Variants in CCNY observed in about 807,000 individuals in gnomAD.
The protein encoded by CCNY is cyclin Y.
CCNY carries 19 observed loss-of-function variants against 42.8 expected under a neutral mutation model. That is an observed-to-expected ratio of 0.44 (90% confidence interval 0.31 to 0.65). The LOEUF (loss-of-function observed/expected upper bound fraction) is 0.65. Among genes scored for constraint, CCNY ranks in the 30% least tolerant of loss-of-function variants. The pLI, the probability that CCNY is intolerant of heterozygous loss-of-function variation, is 0.07. For missense variants in CCNY, 370 were observed against 437.3 expected (o/e 0.85, Z 1.37); for synonymous variants, 165 against 162.7 (o/e 1.01, Z -0.11).
intron 3 of CCNY, among the ~76,000 whole-genome samples, chr10:35,257,081 C>G (rs1376104683): frequency 6.6e-6 from 1 of 151,936 alleles, no homozygotes; most frequent in Non-Finnish European, 1.5e-5. Context: ...TTATTGAAAT[C>G]TTTGTTTCTC....
At chr10:35,517,653 G>T (rs912462824) in intron 4 of CCNY, among the ~76,000 whole-genome samples, 12 of 152,192 alleles carry the variant, frequency 7.9e-5, no homozygotes, top group Non-Finnish European at 1.5e-5. Context: ...GAGGCTGCCT[G>T]TTGGCACTGC....
At chr10:35,367,286 CTG>C (rs1836829955) in intron 1 of CCNY, among the ~76,000 whole-genome samples, 1 of 151,984 alleles carries the variant, frequency 6.6e-6, no homozygotes, top group Non-Finnish European at 1.5e-5. Flanking sequence ...ATTTTATAGA[CTG>C]TATAGTATTC....
chr10:35,542,210 G>A (rs1367529312), intron 7 of CCNY, among the ~76,000 whole-genome samples: 1 of 150,450 alleles, frequency 6.6e-6, no homozygotes, highest in Non-Finnish European at 1.5e-5. Context: ...GTTTTGAGGA[G>A]TGCTGGCTAG....
At chr10:35,343,820 T>A (rs965835694) in intron 1 of CCNY, among the ~76,000 whole-genome samples, 5 of 152,376 alleles carry the variant, frequency 3.3e-5, no homozygotes, top group African/African-American at 1.2e-4. Flanking sequence ...AATTCTGTTT[T>A]AATCACATAG....
At chr10:35,436,307 C>A (rs1838532350) in intron 1 of CCNY, among the ~76,000 whole-genome samples, 1 of 152,228 alleles carries the variant, frequency 6.6e-6, no homozygotes, top group Admixed American at 6.5e-5. Flanking sequence ...GGGTCCCCCA[C>A]CCCTCAGCAG....
At chr10:35,393,865 T>C (rs1486955625) in intron 1 of CCNY, among the ~76,000 whole-genome samples, 1 of 151,828 alleles carries the variant, frequency 6.6e-6, no homozygotes, top group Non-Finnish European at 1.5e-5. Context: ...GAGCCAGGAG[T>C]TCGAGATCAG....
intron 3 of CCNY, chr10:35,315,187 A>T (rs999121668): frequency 6.6e-6 from 1 of 152,216 alleles, no homozygotes; most frequent in Non-Finnish European, 1.5e-5. Flanking sequence ...GGTTGGGTGT[A>T]CAGATTATTT....
chr10:35,440,605 G>A (rs919018198), intron 1 of CCNY, among the ~76,000 whole-genome samples: 7 of 152,148 alleles, frequency 4.6e-5, no homozygotes, highest in South Asian at 2.1e-4. Context: ...TCACTGCAGC[G>A]TATTCTGCTG....
chr10:35,415,898 CAG>C (rs1339391244), intron 1 of CCNY, among the ~76,000 whole-genome samples: 4 of 152,200 alleles, frequency 2.6e-5, no homozygotes, highest in African/African-American at 4.8e-5. Context: ...CACAGATCGA[CAG>C]AGAGTTTTAT....
At chr10:35,423,434 C>T (rs1420340569) in intron 1 of CCNY, among the ~76,000 whole-genome samples, 2 of 150,902 alleles carry the variant, frequency 1.3e-5, no homozygotes, top group Non-Finnish European at 2.9e-5. Flanking sequence ...CATGATTATA[C>T]CAATGCACTC....
chr10:35,361,103 C>T (rs1214669228), intron 1 of CCNY, among the ~76,000 whole-genome samples: 2 of 151,916 alleles, frequency 1.3e-5, no homozygotes, highest in African/African-American at 4.8e-5. Context: ...GTGATCCCCC[C>T]GCCTCGGCCT....
intron 3 of CCNY, chr10:35,316,253 C>T (rs958749999): frequency 1.3e-5 from 2 of 152,148 alleles, no homozygotes; most frequent in Non-Finnish European, 2.9e-5. Flanking sequence ...AGATACAGAG[C>T]AGGTGTTTAA....
At chr10:35,276,321 T>C (rs1216183246) in intron 3 of CCNY, among the ~76,000 whole-genome samples, 10 of 152,344 alleles carry the variant, frequency 6.6e-5, no homozygotes, top group African/African-American at 2.4e-4. Flanking sequence ...CTACTCGGCC[T>C]CCATCATTTT....
chr10:35,509,690 C>G (rs1840286390), intron 3 of CCNY, among the ~76,000 whole-genome samples: 1 of 152,176 alleles, frequency 6.6e-6, no homozygotes, highest in Middle Eastern at 3.4e-3. Flanking sequence ...CCCTGGTGGT[C>G]CTGGAAAAGT....
intron 1 of CCNY, among the ~76,000 whole-genome samples, chr10:35,465,938 A>AGTGTGTGTGTGTGTGTGTGTGT (rs1312410028): frequency 1.2e-5 from 1 of 80,960 alleles, no homozygotes; most frequent in African/African-American, 4.4e-5. Flanking sequence ...AGAGAGAGAG[A>AGTGTGTGTGTGTGTGTGTGTGT]GTGTGTGTGT....
chr10:35,363,245 G>T (rs1203397981), intron 1 of CCNY, among the ~76,000 whole-genome samples: 7 of 146,350 alleles, frequency 4.8e-5, no homozygotes, highest in Non-Finnish European at 1.0e-4. Flanking sequence ...CGGCAGAGGC[G>T]CTCCTCACTT....
intron 1 of CCNY, among the ~76,000 whole-genome samples, chr10:35,477,024 C>T (rs1433193073): frequency 2.6e-5 from 4 of 152,076 alleles, no homozygotes; most frequent in African/African-American, 9.7e-5. Context: ...TGCAAATAAA[C>T]TAGAAAATCT....
rs557238991 is a variant in CCNY at position 35,250,734 on chromosome 10, C to T, written c.-9+108C>T. ...AGAAGTACTGCACTTAGCTTTTTCA[C>T]ACTTCTCAAAGTAACAGGTTTATGT... On this transcript the variant is annotated intron_variant, in intron 3 of 11. Transcript: ENST00000374706. The T allele has an allele frequency of 4.6e-5, 7 of 152,458 alleles. No homozygotes were observed. The South Asian group carries it at 1.5e-3, about 32-fold the overall frequency. 9.4% of individuals were successfully genotyped at this position (152,458 alleles called of 1,614,324 possible). A position where few individuals can be genotyped will look rare whatever the true frequency, so the allele number is the denominator to read the frequency against.
chr10:35,444,711 A>C (rs1838753561), intron 1 of CCNY, among the ~76,000 whole-genome samples: 1 of 152,254 alleles, frequency 6.6e-6, no homozygotes, highest in Non-Finnish European at 1.5e-5. Flanking sequence ...TGTTGACCAA[A>C]ACGTTACGCA....
Sources: gnomAD v4.1 joint callset for allele counts (sites outside exome capture counted in the v4.1 genomes callset) on GRCh38, gnomAD v4.1.1 for gene constraint, MANE v1.5 for transcripts, NCBI Gene and HGNC (gene_info 2026-07-23, HGNC 2026-07-21) for gene names.